Variants in CERCAM observed in about 807,000 individuals in gnomAD.
CERCAM encodes inactive glycosyltransferase 25 family member 3.
A neutral mutation model predicts 66.0 loss-of-function variants in CERCAM; 59 were observed. The observed-to-expected ratio is 0.89, with a 90% confidence interval of 0.73 to 1.11. The LOEUF (loss-of-function observed/expected upper bound fraction) is 1.11. Among genes scored for constraint, CERCAM ranks in the 50% most tolerant of loss-of-function variants. The pLI, the probability that CERCAM is intolerant of heterozygous loss-of-function variation, is 0.00. For synonymous variants in CERCAM, 318 were observed against 343.6 expected (o/e 0.93, Z 0.83); for missense variants, 840 against 828.3 (o/e 1.01, Z -0.17).
chr9:128,428,458 G>C, intron 6 of CERCAM, 37 bp downstream of exon 6: 1 of 1,609,788 alleles, frequency 6.2e-7, no homozygotes. Context: ...ACCTGCTGCC[G>C]GGGCTCCCTG....
At chr9:128,425,018 A>G (rs36003909) in intron 5 of CERCAM, among the ~76,000 whole-genome samples, 46,157 of 149,260 alleles carry the variant, frequency 0.31, 9,442 homozygotes, top group African/African-American at 0.59. Context: ...CCACCCGCCC[A>G]GCCAGTGGTT....
chr9:128,428,866 G>A (rs199930582), intron 7 of CERCAM, 33 bp downstream of exon 7: 19 of 1,611,754 alleles, frequency 1.2e-5, no homozygotes, highest in African/African-American at 6.7e-5. Flanking sequence ...TCGCTGTTAG[G>A]AGGTGGATGG....
rs371749434 is a variant in CERCAM, at chr9:128,428,973, G to T, written c.1007G>T (p.Arg336Leu). The T allele has an allele frequency of 1.9e-6, 3 of 1,611,272 alleles. No homozygotes were observed. The highest frequency in any genetic ancestry group is 2.5e-6 in the Non-Finnish European group (3 of 1,179,156). ...SLARRPDRRE[R>L]MLASLWEMEI... Reference sequence around the variant, plus strand: ...GCTCGCAGGCCTGACCGTCGGGAACGCATGCTCGCCTCGCTCTGGGAGATG... The same window carrying T: ...GCTCGCAGGCCTGACCGTCGGGAACTCATGCTCGCCTCGCTCTGGGAGATG... Residue 336 changes from arginine (R) to leucine (L), a missense_variant, in exon 8 of 13, where the codon CGC becomes CTC. Transcript: ENST00000372838.
At chr9:128,423,617 CAAA>C (rs751848613) in intron 3 of CERCAM, among the ~76,000 whole-genome samples, 2 of 81,848 alleles carry the variant, frequency 2.4e-5, no homozygotes, top group Admixed American at 1.4e-4. Context: ...AACTCAGTCT[CAAA>C]AAAAAAAAAA....
rs112916291 is a variant in CERCAM, at chr9:128,434,467, G to A, written c.1389G>A (p.Pro463=). The part of the protein sequence containing the change: ...PEKETAVEGL[P]GLVVAGYSYW... Reference sequence around the variant, plus strand: ...AGGAGACGGCCGTGGAGGGGCTGCCGGGCCTGGTGGTGGCTGGGTACTCCT... The same window carrying A: ...AGGAGACGGCCGTGGAGGGGCTGCCAGGCCTGGTGGTGGCTGGGTACTCCT... The change falls in exon 11 of 13, where the codon CCG becomes CCA. Residue 463 remains proline (P), a synonymous_variant. Coordinates refer to ENST00000372838, the MANE Select transcript of CERCAM (RefSeq NM_016174.5). The surrounding 1 kb of genome is among the most constrained non-coding windows in gnomAD (Gnocchi z 4.5). 3.5e-5 allele frequency: 57 copies of A among 1,613,960 alleles called. No homozygotes were observed. The highest frequency in any genetic ancestry group is 1.1e-4 in the African/African-American group (8 of 75,048).
chr9:128,431,481 A>C, intron 9 of CERCAM, 178 bp downstream of exon 9: 2 of 694,992 alleles, frequency 2.9e-6, no homozygotes. Flanking sequence ...GCTTGTTTTC[A>C]TTCTGCAGTC....
At chr9:128,428,578 G>A (rs1159841818) in intron 6 of CERCAM, among the ~76,000 whole-genome samples, 157 bp downstream of exon 6, 1 of 152,070 alleles carries the variant, frequency 6.6e-6, no homozygotes, top group Non-Finnish European at 1.5e-5. Flanking sequence ...CCCTTTCCCT[G>A]TTGGGCCTTA....
chr9:128,436,439 G>C (rs1487246504), intron 12 of CERCAM, among the ~76,000 whole-genome samples: 1 of 152,134 alleles, frequency 6.6e-6, no homozygotes, highest in African/African-American at 2.4e-5. Flanking sequence ...GTAGAGACAG[G>C]GTTTCACCAT....
chr9:128,433,244 ACTCCAGC>A (rs1438173440), intron 9 of CERCAM, among the ~76,000 whole-genome samples: 1 of 142,188 alleles, frequency 7.0e-6, no homozygotes, highest in African/African-American at 2.7e-5. Flanking sequence ...GTGCCACTGC[ACTCCAGC>A]CCGGGCGACA....
Position 128,428,366 on chromosome 9 carries a change from C to T in CERCAM, c.831C>T (p.His277=), listed in dbSNP as rs1469440866. ...YGYMNVPVKS[H]QGLEDERVNF... is the part of the protein sequence containing the mutation. ...ACATGAATGTGCCGGTGAAATCCCA[C>T]CAGGGGCTGGAAGACGAGAGGGTCA... Residue 277 remains histidine, a synonymous_variant, in exon 6 of 13, where the codon CAC becomes CAT. Coordinates refer to ENST00000372838, the MANE Select transcript of CERCAM (RefSeq NM_016174.5). The T allele has an allele frequency of 6.2e-7, 1 of 1,614,042 alleles. No homozygotes were observed. The highest frequency in any genetic ancestry group is 8.5e-7 in the Non-Finnish European group (1 of 1,180,012).
chr9:128,429,326 A>G (rs566010127), intron 8 of CERCAM, among the ~76,000 whole-genome samples: 1 of 152,160 alleles, frequency 6.6e-6, no homozygotes, highest in South Asian at 2.1e-4. Context: ...AGCTACCCCC[A>G]TCTCTCAGCC....
At chr9:128,433,759 T>TCC (rs1834034565) in intron 9 of CERCAM, among the ~76,000 whole-genome samples, 2 of 152,188 alleles carry the variant, frequency 1.3e-5, no homozygotes, top group Admixed American at 1.3e-4. Flanking sequence ...ACAGGCAGTT[T>TCC]CCCATCCCTG....
At position 128,434,032 on chromosome 9, in the gene CERCAM, A is replaced by T. The variant is rs1237052015; in HGVS notation, c.1204-70A>T. ...CAACTGAGGCCAGGCAGAGGCTGTG[A>T]GCTTCAGCGTGGAGGGAGGGGGGTT... On this transcript the variant is annotated intron_variant, in intron 9 of 12. Transcript: ENST00000372838. This position sits in a 1 kb window ranked among gnomAD's most constrained non-coding sequence, Gnocchi z 4.5. 3.2e-6 allele frequency: 5 copies of T among 1,576,830 alleles called. No homozygotes were observed. Among genetic ancestry groups the T allele is most frequent in the Non-Finnish European group, 1.7e-6 (2 of 1,159,986 alleles).
Position 128,425,876 on chromosome 9 carries a change from C to T in CERCAM, c.766+1262C>T, listed in dbSNP as rs569787771. Among the ~76,000 whole-genome samples, 197 of 142,110 alleles carry T rather than the reference C, an allele frequency of 1.4e-3. 1 individual carries two copies. The highest frequency in any genetic ancestry group is 1.6e-3 in the Non-Finnish European group (108 of 67,068). 93.2% of individuals were successfully genotyped at this position (142,110 alleles called of 152,430 possible). Reference sequence around the variant, plus strand: ...GCTCTGTGGCTCCCAGGCTAGAGTGCAGTGGCACAATCTCAGCTCACTACA... The same window carrying T: ...GCTCTGTGGCTCCCAGGCTAGAGTGTAGTGGCACAATCTCAGCTCACTACA... On this transcript the variant is annotated intron_variant, in intron 5 of 12. Coordinates refer to ENST00000372838, the MANE Select transcript of CERCAM (RefSeq NM_016174.5).
intron 9 of CERCAM, among the ~76,000 whole-genome samples, chr9:128,433,319 T>C (rs936899209): frequency 1.4e-5 from 2 of 141,730 alleles, no homozygotes; most frequent in African/African-American, 5.3e-5. Context: ...GGTGTGGTGG[T>C]GGGCACCTGT....
At position 128,428,917 on chromosome 9, in the gene CERCAM, CT is replaced by C. The variant is rs1564428563; in HGVS notation, c.964-12del. 6.2e-7 allele frequency: 1 copy of C among 1,607,460 alleles called. No individual in the cohort carries two copies. Among genetic ancestry groups the C allele is most frequent in the Non-Finnish European group, 8.5e-7 (1 of 1,176,654 alleles). On this transcript the variant is annotated splice_polypyrimidine_tract_variant and intron_variant, in intron 7 of 12. Coordinates refer to ENST00000372838, the MANE Select transcript of CERCAM (RefSeq NM_016174.5). ...TCCCTTGCACTTACCGCCCACCCCC[CT>C]GCCTCCTCCAGGTCTTTGTCATCAG...
Position 128,428,921 on chromosome 9 carries a change from C to G in CERCAM, c.964-9C>G. On this transcript the variant is annotated splice_polypyrimidine_tract_variant and intron_variant, in intron 7 of 12. Transcript: ENST00000372838. ...TTGCACTTACCGCCCACCCCCCTGC[C>G]TCCTCCAGGTCTTTGTCATCAGCCT... is the stretch of plus-strand genomic sequence containing the variant. 6.2e-7 allele frequency: 1 copy of G among 1,608,050 alleles called. No individual in the cohort carries two copies.
intron 11 of CERCAM, among the ~76,000 whole-genome samples, chr9:128,435,379 C>T (rs2131345492): frequency 6.6e-6 from 1 of 152,290 alleles, no homozygotes; most frequent in South Asian, 2.1e-4. Context: ...GGTGATCCGC[C>T]CGTCTCGGCT....
intron 2 of CERCAM, 61 bp downstream of exon 2, chr9:128,423,039 A>G (rs1833747361): frequency 2.5e-6 from 4 of 1,611,902 alleles, no homozygotes; most frequent in Non-Finnish European, 3.4e-6. Context: ...CCAGAGAGGA[A>G]AAGGGACAGC....
Sources: gnomAD v4.1 joint callset for allele counts (sites outside exome capture counted in the v4.1 genomes callset) on GRCh38, gnomAD v4.1.1 for gene constraint, Gnocchi (gnomAD v3.1) non-coding constraint, MANE v1.5 for transcripts, NCBI Gene and HGNC (gene_info 2026-07-23, HGNC 2026-07-21) for gene names.